CYP3A4: variants seen among roughly 807,000 people sequenced by gnomAD.
The protein encoded by CYP3A4 is cytochrome P450 3A4.
A neutral mutation model predicts 54.9 loss-of-function variants in CYP3A4; 41 were observed. That is an observed-to-expected ratio of 0.75 (90% CI 0.58 to 0.97). The LOEUF (loss-of-function observed/expected upper bound fraction) is 0.97. Among genes scored for constraint, CYP3A4 ranks in the 50% least tolerant of loss-of-function variants. The pLI, the probability that CYP3A4 is intolerant of heterozygous loss-of-function variation, is 0.00. For missense variants in CYP3A4, 510 were observed against 597.3 expected, an observed-to-expected ratio of 0.85 and a Z score of 1.52; for synonymous variants, 179 against 205.2, an observed-to-expected ratio of 0.87 and a Z score of 1.09.
At chr7:99,780,192 A>G (rs1161298367) in intron 1 of CYP3A4, 107 bp from the exon 2 acceptor site, 8 of 1,102,436 alleles carry the variant, frequency 7.3e-6, no homozygotes, top group Non-Finnish European at 1.1e-5. Flanking sequence ...ACGAGGTAAC[A>G]TTAAGGCAAG....
intron 10 of CYP3A4, among the ~76,000 whole-genome samples, chr7:99,762,549 T>TAC (rs1210639385): frequency 2.0e-5 from 3 of 151,766 alleles, no homozygotes; most frequent in East Asian, 1.9e-4. Flanking sequence ...TATATATATA[T>TAC]ACACACACAC....
At chr7:99,768,527 T>C in intron 6 of CYP3A4, 25 bp from the exon 7 acceptor site, 2 of 1,612,882 alleles carry the variant, frequency 1.2e-6, no homozygotes, top group Non-Finnish European at 1.7e-6. Context: ...ATGTGGAAAA[T>C]TAAAATCAGC....
chr7:99,770,433 C>T (rs28988582), intron 4 of CYP3A4, among the ~76,000 whole-genome samples, 198 bp from the exon 5 acceptor site: 908 of 59,476 alleles, frequency 0.015, 11 homozygotes, highest in African/African-American at 0.05. Context: ...TGGGGCGGGG[C>T]GGGGGGGTGG....
chr7:99,770,980 A>G (rs1326036380), intron 4 of CYP3A4, among the ~76,000 whole-genome samples: 1 of 152,200 alleles, frequency 6.6e-6, no homozygotes, highest in Admixed American at 6.5e-5. Flanking sequence ...TCAATTTGAT[A>G]AAGAGAATCT....
intron 11 of CYP3A4, among the ~76,000 whole-genome samples, 156 bp from the exon 12 acceptor site, chr7:99,761,137 A>G (rs1815314688): frequency 6.6e-6 from 1 of 152,226 alleles, no homozygotes; most frequent in Non-Finnish European, 1.5e-5. Context: ...TTATTTTGCT[A>G]TGAGAATTGT....
chr7:99,770,358 G>A, intron 4 of CYP3A4, 123 bp from the exon 5 acceptor site: 1 of 849,282 alleles, frequency 1.2e-6, no homozygotes, highest in Admixed American at 2.2e-5. Flanking sequence ...CTGGGTGATG[G>A]GCCCTATGCT....
intron 1 of CYP3A4, among the ~76,000 whole-genome samples, chr7:99,783,427 C>T (rs1288592515): frequency 1.3e-5 from 2 of 152,102 alleles, no homozygotes; most frequent in East Asian, 3.9e-4. Flanking sequence ...CCTTATCCTC[C>T]TTGGGTCCAA....
intron 4 of CYP3A4, among the ~76,000 whole-genome samples, chr7:99,771,750 T>C (rs1388051772): frequency 6.6e-6 from 1 of 152,148 alleles, no homozygotes; most frequent in East Asian, 1.9e-4. Flanking sequence ...CAGTGTGGTA[T>C]TGGTGGAATA....
chr7:99,762,200 C>A lies in CYP3A4; in HGVS notation c.1094G>T (p.Arg365Ile). The A allele has an allele frequency of 6.2e-7, 1 of 1,614,088 alleles. No individual in the cohort carries two copies. Among genetic ancestry groups the A allele is most frequent in the Non-Finnish European group, 8.5e-7 (1 of 1,180,000 alleles). The change falls in exon 11 of 13, where the codon AGA (arginine) becomes ATA (isoleucine). Residue 365 changes from arginine to isoleucine, a missense_variant. Physicochemically the swap from Arg to Ile is moderately conservative, Grantham distance 97. Coordinates refer to ENST00000651514, the MANE Select transcript of CYP3A4 (RefSeq NM_017460.6). ...YLDMVVNETLRLFPIAMRLER... is the reference protein window; with the variant it reads ...YLDMVVNETLILFPIAMRLER... The stretch of plus-strand genomic sequence containing the variant: ...AAGTCTCATAGCAATTGGGAATAAT[C>A]TGAGCGTTTCATTCACCACCATGTC...
In CYP3A4 at chr7:99,765,159, A is replaced by G. The variant is rs182068625; in HGVS notation, c.866-1144T>C. On this transcript the variant is annotated intron_variant, in intron 9 of 12. Coordinates refer to ENST00000651514, the MANE Select transcript of CYP3A4 (RefSeq NM_017460.6). Reference sequence around the variant, plus strand: ...GATGATACTGATGTGAAATTGAACTATAATCTCAAAGTTTAGAGCTCTGCT... The same window carrying G: ...GATGATACTGATGTGAAATTGAACTGTAATCTCAAAGTTTAGAGCTCTGCT... Among the ~76,000 whole-genome samples the G allele has an allele frequency of 3.5e-4, 53 of 152,318 alleles. No homozygotes were observed. The East Asian group carries it at 9.4e-3, about 27-fold the overall frequency.
At position 99,769,819 on chromosome 7, in the gene CYP3A4, A is replaced by G; in HGVS notation, c.470T>C (p.Val157Ala). The change falls in exon 6 of 13, where the codon GTG becomes GCG. Residue 157 changes from valine (V) to alanine (A), a missense_variant. Val to Ala is a moderately conservative substitution (Grantham distance 64). Coordinates refer to ENST00000651514, the MANE Select transcript of CYP3A4 (RefSeq NM_017460.6). ...PIIAQYGDVL[V>A]RNLRREAETG... The stretch of plus-strand genomic sequence containing the variant: ...CTCTGCTTCCCGCCTCAGATTTCTC[A>G]CCAACACATCTCCATACTGGGCAAT... 1 of 1,613,972 alleles carries G rather than the reference A, an allele frequency of 6.2e-7. No homozygotes were observed. The highest frequency in any genetic ancestry group is 8.5e-7 in the Non-Finnish European group (1 of 1,179,900).
At chr7:99,780,230 T>C in intron 1 of CYP3A4, 145 bp from the exon 2 acceptor site, 1 of 773,652 alleles carries the variant, frequency 1.3e-6, no homozygotes, top group Non-Finnish European at 2.1e-6. Context: ...CTGACGGCAA[T>C]GATTATATTT....
intron 2 of CYP3A4, among the ~76,000 whole-genome samples, chr7:99,778,387 C>T (rs1815827853): frequency 6.6e-6 from 1 of 152,190 alleles, no homozygotes; most frequent in Non-Finnish European, 1.5e-5. Context: ...TCTTGAAAAT[C>T]TCATGAATCC....
intron 4 of CYP3A4, 115 bp downstream of exon 4, chr7:99,772,475 A>T (rs1482150889): frequency 5.5e-6 from 7 of 1,279,278 alleles, no homozygotes; most frequent in Non-Finnish European, 7.8e-6. Context: ...GGACAGGATG[A>T]AGTGGACGTG....
chr7:99,767,907 A>G (rs1437508366), intron 7 of CYP3A4, among the ~76,000 whole-genome samples: 1 of 152,196 alleles, frequency 6.6e-6, no homozygotes, highest in Non-Finnish European at 1.5e-5. Context: ...AGAGGAACAA[A>G]AAAATCACAA....
chr7:99,758,994 G>C (rs1014589261), intron 12 of CYP3A4, among the ~76,000 whole-genome samples: 3 of 152,154 alleles, frequency 2.0e-5, no homozygotes, highest in African/African-American at 7.2e-5. Context: ...TAATGGGCAA[G>C]AAAATTGCCA....
rs12721618 is a variant in CYP3A4, at chr7:99,770,244, C to G, written c.319-9G>C. The G allele has an allele frequency of 1.2e-3, 1,905 of 1,602,328 alleles. 22 individuals carry two copies. In the African/African-American group the frequency reaches 0.023, roughly 20 times the overall value. On this transcript the variant is annotated splice_polypyrimidine_tract_variant and intron_variant, in intron 4 of 12. Coordinates refer to ENST00000651514, the MANE Select transcript of CYP3A4 (RefSeq NM_017460.6). ...CCCACTGGACCAAAAGGCTAGAGTTCAAAGCAGAAACATTTTGTCCTACAT... is the reference window on the plus strand; with the variant it reads ...CCCACTGGACCAAAAGGCTAGAGTTGAAAGCAGAAACATTTTGTCCTACAT...
At chr7:99,766,126 A>G (rs1486619462) in intron 9 of CYP3A4, among the ~76,000 whole-genome samples, 1 of 152,130 alleles carries the variant, frequency 6.6e-6, no homozygotes, top group Non-Finnish European at 1.5e-5. Flanking sequence ...GATGTAGGTG[A>G]TCCACAGACC....
At chr7:99,766,057 T>A (rs1563040950) in intron 9 of CYP3A4, among the ~76,000 whole-genome samples, 1 of 152,132 alleles carries the variant, frequency 6.6e-6, no homozygotes, top group African/African-American at 2.4e-5. Context: ...CTAATAAATT[T>A]CTAGGCAGAA....
Sources: gnomAD v4.1 joint callset for allele counts (sites outside exome capture counted in the v4.1 genomes callset) on GRCh38, gnomAD v4.1.1 for gene constraint, MANE v1.5 for transcripts, NCBI Gene and HGNC (gene_info 2026-07-23, HGNC 2026-07-21) for gene names.